PWWP2B: variants seen among roughly 807,000 people sequenced by gnomAD.
PWWP2B encodes PWWP domain containing 2B, also known as PWWP domain-containing protein 2B.
A neutral mutation model predicts 15.5 loss-of-function variants in PWWP2B; 9 were observed. The ratio of observed to expected loss-of-function variants is 0.58; its 90% CI spans 0.35 to 1.02. The LOEUF is 1.02. Ranked by LOEUF, PWWP2B falls within the 50% of genes least tolerant of loss-of-function variation. PWWP2B has a pLI of 0.02. For missense variants in PWWP2B, 864 were observed against 865.3 expected, an observed-to-expected ratio of 1.00 and a Z score of 0.02; for synonymous variants, 474 against 403.6, an observed-to-expected ratio of 1.17 and a Z score of -2.09.
intron 2 of PWWP2B, among the ~76,000 whole-genome samples, chr10:132,409,009 G>C (rs2069741504): frequency 1.3e-5 from 2 of 152,242 alleles, no homozygotes; most frequent in African/African-American, 4.8e-5. Flanking sequence ...GGTGCGCCGA[G>C]GCTGGGCTGG....
chr10:132,397,440 T>G, intron 1 of PWWP2B, 89 bp downstream of exon 1: 14 of 1,038,686 alleles, frequency 1.3e-5, no homozygotes, highest in Middle Eastern at 4.6e-4. Flanking sequence ...GCCTCCGGGT[T>G]GGGGGTGGCG....
intron 2 of PWWP2B, among the ~76,000 whole-genome samples, chr10:132,411,543 G>A (rs2069780431): frequency 6.6e-6 from 1 of 152,262 alleles, no homozygotes; most frequent in African/African-American, 2.4e-5. Context: ...CAGCCCAGGG[G>A]CCCGTGGGGC....
intron 2 of PWWP2B, among the ~76,000 whole-genome samples, chr10:132,407,528 CGTATTGGG>C (rs1251864097): frequency 1.3e-5 from 2 of 152,200 alleles, no homozygotes; most frequent in East Asian, 3.8e-4. Context: ...CTGCACCCTG[CGTATTGGG>C]GTTCCGGCGG....
At chr10:132,401,577 T>C (rs2069616899) in intron 1 of PWWP2B, among the ~76,000 whole-genome samples, 1 of 152,188 alleles carries the variant, frequency 6.6e-6, no homozygotes, top group Non-Finnish European at 1.5e-5. Context: ...CCCCTGTCCC[T>C]AGGGGGTGGG....
At position 132,406,216 on chromosome 10, in the gene PWWP2B, T is replaced by C; in HGVS notation, c.1716T>C (p.Asn572=). The change falls in exon 2 of 3, where the codon AAT becomes AAC. Residue 572 remains asparagine (N), a synonymous_variant. Transcript: ENST00000305233. ...MYRKAITEAA[N]AARHVAPEIR... is the part of the protein sequence containing the mutation. ...GGAAAGCTATAACCGAGGCTGCAAA[T>C]GCCGCAAGACACGTGGCCCCGGAAA... 1 of 1,612,910 alleles carries C rather than the reference T, an allele frequency of 6.2e-7. No homozygotes were observed. The highest frequency in any genetic ancestry group is 8.5e-7 in the Non-Finnish European group (1 of 1,179,770).
At chr10:132,415,471 A>C (rs1424046163) in intron 2 of PWWP2B, among the ~76,000 whole-genome samples, 1 of 147,390 alleles carries the variant, frequency 6.8e-6, no homozygotes, top group Admixed American at 6.7e-5. Context: ...ACGCACTCTC[A>C]CATTCACTCA....
chr10:132,405,025 G>C lies in PWWP2B; in HGVS notation c.525G>C (p.Gln175His). 1.3e-6 allele frequency: 2 copies of C among 1,528,574 alleles called. No homozygotes were observed. The highest frequency in any genetic ancestry group is 2.0e-5 in the Admixed American group (1 of 50,452). The allele number at this position is 1,528,574 out of a possible 1,614,324, so 94.7% of individuals were successfully genotyped here. A position where few individuals can be genotyped will look rare whatever the true frequency, so the allele number is the denominator to read the frequency against. Residue 175 changes from glutamine to histidine, a missense_variant, in exon 2 of 3, where the codon CAG becomes CAC. Around this residue, in one of 2 missense-constraint regions of PWWP2B, gnomAD observed 736 missense variants for 687.7 expected, o/e 1.07. Transcript: ENST00000305233. ...ILSTIRLRPR[Q>H]VLCEKCKSTL... ...GCACCATCCGCCTGCGGCCGCGCCA[G>C]GTGCTCTGTGAGAAGTGCAAGAGCA...
At chr10:132,412,746 C>T (rs916398695) in intron 2 of PWWP2B, among the ~76,000 whole-genome samples, 6 of 152,212 alleles carry the variant, frequency 3.9e-5, no homozygotes, top group African/African-American at 9.7e-5. Flanking sequence ...CCAAGACTTG[C>T]GGCCACCCCC....
At position 132,405,379 on chromosome 10, in the gene PWWP2B, C is replaced by A. The variant is rs888474300; in HGVS notation, c.879C>A (p.Asp293Glu). 1 of 1,611,070 alleles carries A rather than the reference C, an allele frequency of 6.2e-7. No individual in the cohort carries two copies. The highest frequency in any genetic ancestry group is 1.7e-5 in the Admixed American group (1 of 59,944). ...CCCCGCAGGACGACGGCAGCCAGGA[C>A]CCCGAGGTGCTGGACAGAGAGTCCC... is the stretch of plus-strand genomic sequence containing the variant. ...QQAPQDDGSQ[D>E]PEVLDRESRD... Residue 293 changes from aspartate to glutamate, a missense_variant, in exon 2 of 3, where the codon GAC (aspartate) becomes GAA (glutamate). Coordinates refer to ENST00000305233, the MANE Select transcript of PWWP2B (RefSeq NM_138499.4).
intron 2 of PWWP2B, among the ~76,000 whole-genome samples, chr10:132,415,147 T>A (rs1331631903): frequency 4.6e-5 from 7 of 152,074 alleles, no homozygotes; most frequent in African/African-American, 7.2e-5. Flanking sequence ...AGTTAAGGGC[T>A]TTTTCTATGG....
At chr10:132,404,529 C>A in intron 1 of PWWP2B, 97 bp from the exon 2 acceptor site, 1 of 1,065,460 alleles carries the variant, frequency 9.4e-7, no homozygotes, top group Non-Finnish European at 1.4e-6. Flanking sequence ...CCAGACCTGC[C>A]GGAGCATGGG....
intron 2 of PWWP2B, among the ~76,000 whole-genome samples, chr10:132,409,628 A>ACCCCCCCCCCC (rs1564876603): frequency 2.1e-5 from 3 of 143,606 alleles, no homozygotes; most frequent in African/African-American, 5.3e-5. Flanking sequence ...TCTCTCCCTC[A>ACCCCCCCCCCC]CCACCCACCC....
Position 132,398,172 on chromosome 10 carries a change from G to A in PWWP2B, c.125+821G>A, listed in dbSNP as rs145558862. On this transcript the variant is annotated intron_variant, in intron 1 of 2. Coordinates refer to ENST00000305233, the MANE Select transcript of PWWP2B (RefSeq NM_138499.4). The stretch of plus-strand genomic sequence containing the variant: ...CTGGGAGCAGGGAAAGGCTCCTCTT[G>A]TAAAGGCCCAACTTTTTCCATCCGT... Among the ~76,000 whole-genome samples the A allele has an allele frequency of 2.6e-3, 392 of 152,368 alleles. 2 individuals carry two copies. Among genetic ancestry groups the A allele is most frequent in the Non-Finnish European group, 4.0e-3 (270 of 68,034 alleles).
At chr10:132,406,314 T>C (rs1590761493) in intron 2 of PWWP2B, 25 bp downstream of exon 2, 1 of 1,558,908 alleles carries the variant, frequency 6.4e-7, no homozygotes. Context: ...GGCAGCCTCC[T>C]TCCCCCCAGC....
At chr10:132,401,607 C>T (rs2069617305) in intron 1 of PWWP2B, among the ~76,000 whole-genome samples, 1 of 152,238 alleles carries the variant, frequency 6.6e-6, no homozygotes, top group Admixed American at 6.5e-5. Context: ...AACTACACTG[C>T]ACCTGTGCAC....
At chr10:132,407,952 C>G (rs762597713) in intron 2 of PWWP2B, among the ~76,000 whole-genome samples, 1 of 152,266 alleles carries the variant, frequency 6.6e-6, no homozygotes, top group East Asian at 1.9e-4. Flanking sequence ...CCACGCAGGA[C>G]GTCTCCAAGT....
At chr10:132,413,975 G>A (rs918384018) in intron 2 of PWWP2B, among the ~76,000 whole-genome samples, 1 of 152,260 alleles carries the variant, frequency 6.6e-6, no homozygotes, top group Non-Finnish European at 1.5e-5. Context: ...GGGCTCCCAG[G>A]CAGGTGGGGC....
intron 2 of PWWP2B, among the ~76,000 whole-genome samples, chr10:132,414,880 C>G (rs143675132): frequency 6.6e-6 from 1 of 152,166 alleles, no homozygotes; most frequent in Non-Finnish European, 1.5e-5. Flanking sequence ...TTGGTACCCC[C>G]GGCAGGTCTC....
chr10:132,407,611 C>A (rs1184541378), intron 2 of PWWP2B, among the ~76,000 whole-genome samples: 2 of 152,196 alleles, frequency 1.3e-5, no homozygotes, highest in East Asian at 3.9e-4. Flanking sequence ...TGCCTGGCTG[C>A]CCAGGCTCTG....
Sources: allele counts gnomAD v4.1 joint callset (sites outside exome capture counted in the v4.1 genomes callset), GRCh38; gene constraint gnomAD v4.1.1; regional missense constraint gnomAD v4.1.1; transcripts MANE v1.5; gene names NCBI Gene and HGNC (gene_info 2026-07-23, HGNC 2026-07-21).